The following DPP6 variants were observed in gnomAD, a reference collection of about 807,000 sequenced individuals.
DPP6 encodes A-type potassium channel modulatory protein DPP6.
Under a neutral mutation model 122.6 loss-of-function variants are expected in DPP6, and 69 were observed. The ratio of observed to expected loss-of-function variants is 0.56; its 90% CI spans 0.46 to 0.69. The LOEUF (loss-of-function observed/expected upper bound fraction) is 0.69, where lower values mean the gene tolerates loss of function less well. Among genes scored for constraint, DPP6 ranks in the 30% least tolerant of loss-of-function variants. DPP6 has a pLI of 0.00. For missense variants in DPP6, 928 were observed against 1,116.9 expected (o/e 0.83, Z 2.41); for synonymous variants, 418 against 433.1 (o/e 0.97, Z 0.43).
At chr7:154,701,035 G>A (rs553379217) in intron 7 of DPP6, among the ~76,000 whole-genome samples, 3 of 152,196 alleles carry the variant, frequency 2.0e-5, no homozygotes, top group South Asian at 4.1e-4. Flanking sequence ...CCATCTGCCT[G>A]GATTTGTCTC....
chr7:154,618,671 T>G lies in DPP6; in HGVS notation c.628-19150T>G, dbSNP rs1834432444. 6.6e-6 allele frequency among the ~76,000 whole-genome samples: 1 copy of G among 152,196 alleles called. No individual in the cohort carries two copies. The highest frequency in any genetic ancestry group is 1.5e-5 in the Non-Finnish European group (1 of 68,032). On this transcript the variant is annotated intron_variant, in intron 5 of 25. Transcript: ENST00000377770. The surrounding 1 kb of genome is among the most constrained non-coding windows in gnomAD (Gnocchi z 4.1). The stretch of plus-strand genomic sequence containing the variant: ...GCTTCCACCCTCCTGATGGGGACCA[T>G]ATCCATGTGCTGCTCTTACATGTAC...
intron 16 of DPP6, among the ~76,000 whole-genome samples, chr7:154,816,412 A>G (rs565344560): frequency 6.6e-6 from 1 of 152,328 alleles, no homozygotes; most frequent in South Asian, 2.1e-4. Flanking sequence ...ATGTAGGCAC[A>G]GAAAAAACAT....
chr7:154,668,197 T>TATATATATATATATATATATATATATATA lies in DPP6; in HGVS notation c.681-1163_681-1162insATATATATATATATATATATATATATATA, dbSNP rs1838288618. Among the ~76,000 whole-genome samples the TATATATATATATATATATATATATATATA allele has an allele frequency of 6.9e-4, 25 of 36,482 alleles. 2 individuals carry two copies. The highest frequency in any genetic ancestry group is 1.5e-3 in the Non-Finnish European group (19 of 13,002). 23.9% of individuals were successfully genotyped at this position (36,482 alleles called of 152,430 possible). A position where few individuals can be genotyped will look rare whatever the true frequency, so the allele number is the denominator to read the frequency against. On this transcript the variant is annotated intron_variant, in intron 6 of 25. Transcript: ENST00000377770. ...GTGCATTCCCAGCTATGTGTATATT[T>TATATATATATATATATATATATATATATA]TATATATATATATATATATATAATA... is the stretch of plus-strand genomic sequence containing the variant.
intron 10 of DPP6, among the ~76,000 whole-genome samples, chr7:154,789,426 C>A (rs185318889): frequency 6.6e-6 from 1 of 152,192 alleles, no homozygotes; most frequent in Admixed American, 6.5e-5. Context: ...TTTCCTTCTG[C>A]GTTCTCATGG....
chr7:154,000,459 C>T (rs1045277453), intron 1 of DPP6, among the ~76,000 whole-genome samples: 3 of 152,088 alleles, frequency 2.0e-5, no homozygotes, highest in African/African-American at 7.2e-5. Context: ...CAGAGAGGTT[C>T]TGGTGACAGC....
At chr7:154,679,298 T>G (rs1382925582) in intron 7 of DPP6, among the ~76,000 whole-genome samples, 1 of 152,214 alleles carries the variant, frequency 6.6e-6, no homozygotes. Context: ...AGCCTGTGGC[T>G]TTAGAAAAGG....
intron 1 of DPP6, among the ~76,000 whole-genome samples, chr7:154,068,401 A>G (rs953476759): frequency 1.3e-4 from 19 of 148,286 alleles, no homozygotes; most frequent in Non-Finnish European, 2.2e-4. Context: ...AGGCCTGGAA[A>G]AAAGGATGGG....
intron 1 of DPP6, among the ~76,000 whole-genome samples, chr7:153,896,975 C>T (rs1799440672): frequency 6.6e-6 from 1 of 152,036 alleles, no homozygotes; most frequent in Admixed American, 6.6e-5. Context: ...CTTCCTATGA[C>T]TCTGTAAATT....
chr7:154,101,884 C>A (rs1348704082), intron 1 of DPP6, among the ~76,000 whole-genome samples: 1 of 143,866 alleles, frequency 7.0e-6, no homozygotes, highest in South Asian at 2.3e-4. Flanking sequence ...GCCGAGATGG[C>A]GCCATTGCAC....
chr7:154,429,233 G>A (rs1258749568), intron 1 of DPP6, among the ~76,000 whole-genome samples: 1 of 151,552 alleles, frequency 6.6e-6, no homozygotes, highest in East Asian at 1.9e-4. Flanking sequence ...AAATGAATGA[G>A]TTCTGGGAAA....
At chr7:154,121,392 T>A (rs1289390307) in intron 1 of DPP6, among the ~76,000 whole-genome samples, 1 of 152,230 alleles carries the variant, frequency 6.6e-6, no homozygotes, top group African/African-American at 2.4e-5. Context: ...TCCTTCTTAA[T>A]ATAAATGTTT....
chr7:154,515,365 A>G (rs918988895), intron 3 of DPP6, among the ~76,000 whole-genome samples: 4 of 152,188 alleles, frequency 2.6e-5, no homozygotes, highest in African/African-American at 7.2e-5. Flanking sequence ...TTCTACAACA[A>G]TCAGGGTCCA....
chr7:154,257,260 A>G (rs898091470), intron 1 of DPP6, among the ~76,000 whole-genome samples: 1 of 152,022 alleles, frequency 6.6e-6, no homozygotes, highest in African/African-American at 2.4e-5. Flanking sequence ...GCAGAATTCC[A>G]GAGGCTATTC....
At chr7:153,989,743 G>A (rs1251383351) in intron 1 of DPP6, among the ~76,000 whole-genome samples, 2 of 152,014 alleles carry the variant, frequency 1.3e-5, no homozygotes, top group Non-Finnish European at 2.9e-5. Flanking sequence ...GTGGATGCCT[G>A]TGAGGTACTG....
chr7:154,595,218 T>C (rs1833025271), intron 5 of DPP6, among the ~76,000 whole-genome samples: 1 of 152,126 alleles, frequency 6.6e-6, no homozygotes, highest in African/African-American at 2.4e-5. Context: ...TTCCTGCCCT[T>C]GTCTCCTGCC....
At chr7:153,859,958 T>C in the DPP6 span, among the ~76,000 whole-genome samples, 4 of 152,290 alleles carry the variant, frequency 2.6e-5, no homozygotes, top group Non-Finnish European at 5.9e-5. Context: ...AGGGGGATAA[T>C]TAGAACTCAT....
the DPP6 span, among the ~76,000 whole-genome samples, chr7:153,861,595 C>CT: frequency 6.8e-4 from 103 of 152,272 alleles, 1 homozygote; most frequent in Non-Finnish European, 1.1e-3. Context: ...TGCATCCTCC[C>CT]TTTTTTATCA....
chr7:154,849,074 C>A (rs191256361), intron 16 of DPP6, among the ~76,000 whole-genome samples: 1 of 150,806 alleles, frequency 6.6e-6, no homozygotes, highest in Non-Finnish European at 1.5e-5. Context: ...CTTTGTAATA[C>A]GTTTTGAAAT....
chr7:154,741,340 A>T (rs1447708616), intron 8 of DPP6, among the ~76,000 whole-genome samples: 2 of 152,216 alleles, frequency 1.3e-5, no homozygotes, highest in Non-Finnish European at 2.9e-5. Context: ...GGAAGGGTGA[A>T]GCCTCTGCAT....
Sources: gnomAD v4.1 joint callset for allele counts (sites outside exome capture counted in the v4.1 genomes callset) on GRCh38, gnomAD v4.1.1 for gene constraint, Gnocchi (gnomAD v3.1) non-coding constraint, MANE v1.5 for transcripts, NCBI Gene and HGNC (gene_info 2026-07-23, HGNC 2026-07-21) for gene names.